The following MICU3 variants were observed in gnomAD, a reference collection of about 807,000 sequenced individuals.
MICU3 encodes the protein mitochondrial calcium uptake 3, also known as calcium uptake protein 3, mitochondrial.
MICU3 carries 62 observed loss-of-function variants against 66.5 expected under a neutral mutation model. The observed-to-expected ratio is 0.93, with a 90% CI of 0.76 to 1.15. The LOEUF (loss-of-function observed/expected upper bound fraction) is 1.15. Ranked by LOEUF, MICU3 falls within the 50% of genes most tolerant of loss-of-function variation. The pLI, the probability that MICU3 is intolerant of heterozygous loss-of-function variation, is 0.00. For missense variants in MICU3, 779 were observed against 664.4 expected (o/e 1.17, Z -1.90); for synonymous variants, 308 against 240.7 (o/e 1.28, Z -2.59).
At chr8:17,029,716 G>A (rs1172709539) in intron 1 of MICU3, among the ~76,000 whole-genome samples, 1 of 152,084 alleles carries the variant, frequency 6.6e-6, no homozygotes, top group Non-Finnish European at 1.5e-5. Flanking sequence ...ACAGTAATGA[G>A]CTTCGGGATG....
chr8:17,086,075 G>A (rs1799436814), intron 6 of MICU3, among the ~76,000 whole-genome samples: 1 of 151,808 alleles, frequency 6.6e-6, no homozygotes, highest in Non-Finnish European at 1.5e-5. Flanking sequence ...TACACTCTCC[G>A]AGTAAAAAGA....
chr8:17,050,140 G>T (rs1815809900), intron 1 of MICU3, among the ~76,000 whole-genome samples: 1 of 152,042 alleles, frequency 6.6e-6, no homozygotes, highest in East Asian at 1.9e-4. Context: ...ATATTGAATT[G>T]TCGGATCTAT....
chr8:17,057,289 C>G (rs1380831264), intron 1 of MICU3, among the ~76,000 whole-genome samples: 1 of 152,114 alleles, frequency 6.6e-6, no homozygotes, highest in Non-Finnish European at 1.5e-5. Flanking sequence ...CAGGTACAGA[C>G]ATTGGGAAAT....
intron 11 of MICU3, 143 bp from the exon 12 acceptor site, chr8:17,113,950 A>G: frequency 2.0e-6 from 1 of 495,952 alleles, no homozygotes; most frequent in Non-Finnish European, 3.4e-6. Context: ...CCAGTTGGAG[A>G]ACAACGTCAA....
At chr8:17,029,296 C>G (rs1039854173) in intron 1 of MICU3, among the ~76,000 whole-genome samples, 1 of 152,066 alleles carries the variant, frequency 6.6e-6, no homozygotes, top group African/African-American at 2.4e-5. Context: ...GCCAACATGG[C>G]GAAACCTCGT....
At chr8:17,110,722 C>A (rs1489626417) in intron 11 of MICU3, among the ~76,000 whole-genome samples, 1 of 149,986 alleles carries the variant, frequency 6.7e-6, no homozygotes, top group East Asian at 2.1e-4. Context: ...TCCCACTGTA[C>A]CTGGCAATTT....
chr8:17,068,509 T>G (rs976469482), intron 2 of MICU3, among the ~76,000 whole-genome samples: 2 of 152,214 alleles, frequency 1.3e-5, no homozygotes, highest in Non-Finnish European at 2.9e-5. Context: ...TGTATTGTTC[T>G]GTTCATTGTT....
intron 9 of MICU3, among the ~76,000 whole-genome samples, chr8:17,101,656 C>T (rs964415179): frequency 1.3e-5 from 2 of 151,830 alleles, no homozygotes; most frequent in African/African-American, 2.4e-5. Context: ...TTGAAAAGGA[C>T]ATCCCACACT....
intron 1 of MICU3, among the ~76,000 whole-genome samples, chr8:17,040,096 C>T (rs1388294682): frequency 2.6e-5 from 4 of 151,666 alleles, no homozygotes; most frequent in East Asian, 3.9e-4. Flanking sequence ...TTAGTAGAGA[C>T]GGGGTTTCTC....
At chr8:17,041,747 A>C (rs1161850334) in intron 1 of MICU3, among the ~76,000 whole-genome samples, 1 of 152,194 alleles carries the variant, frequency 6.6e-6, no homozygotes, top group African/African-American at 2.4e-5. Context: ...GTTTAATCTT[A>C]GATAATAGGA....
At chr8:17,091,978 AG>A (rs752572839) in intron 8 of MICU3, among the ~76,000 whole-genome samples, 1 of 151,994 alleles carries the variant, frequency 6.6e-6, no homozygotes, top group African/African-American at 2.4e-5. Context: ...CCCTGGTTCA[AG>A]TGATTCTTCT....
rs372253445 is a variant in MICU3 at position 17,027,249 on chromosome 8, C to G, written c.-31C>G. The stretch of plus-strand genomic sequence containing the variant: ...GCCCCCGCCCCTCCGTTCTCTGCCC[C>G]CTCCCAGCTCTGGTGTGGGCGGCCT... On this transcript the variant is annotated 5_prime_UTR_variant, in exon 1 of 15. Coordinates refer to ENST00000318063, the MANE Select transcript of MICU3 (RefSeq NM_181723.3). 8.7e-6 allele frequency: 9 copies of G among 1,034,118 alleles called. No individual in the cohort carries two copies. Among genetic ancestry groups the G allele is most frequent in the Non-Finnish European group, 1.0e-5 (8 of 794,788 alleles). The allele number at this position is 1,034,118 out of a possible 1,614,324, so 64.1% of individuals were successfully genotyped here.
chr8:17,039,626 C>A (rs1197857667), intron 1 of MICU3, among the ~76,000 whole-genome samples: 2 of 152,038 alleles, frequency 1.3e-5, no homozygotes, highest in Non-Finnish European at 2.9e-5. Context: ...ATTATACATA[C>A]ATAATTTGGG....
intron 8 of MICU3, among the ~76,000 whole-genome samples, chr8:17,091,330 A>G (rs1322516062): frequency 6.6e-6 from 1 of 152,080 alleles, no homozygotes; most frequent in South Asian, 2.1e-4. Context: ...AAACATGTGC[A>G]GTTCACTTAA....
chr8:17,033,020 G>T (rs1033777245), intron 1 of MICU3, among the ~76,000 whole-genome samples: 1 of 152,120 alleles, frequency 6.6e-6, no homozygotes, highest in African/African-American at 2.4e-5. Context: ...CCATGAACCA[G>T]CTTTTCCCTA....
At chr8:17,085,449 A>T in intron 6 of MICU3, 131 bp downstream of exon 6, 1 of 531,306 alleles carries the variant, frequency 1.9e-6, no homozygotes, top group Non-Finnish European at 3.4e-6. Flanking sequence ...TTTACTTAAT[A>T]AAGTATAATA....
At position 17,067,618 on chromosome 8, in the gene MICU3, G is replaced by C. The variant is rs565927413; in HGVS notation, c.536-2070G>C. 1.4e-4 allele frequency among the ~76,000 whole-genome samples: 22 copies of C among 152,066 alleles called. 1 individual carries two copies. In the South Asian group the frequency reaches 4.4e-3, roughly 30 times the overall value. ...CTAATTTTTGTATTTTTGCAGAGCT[G>C]GAGTTTCACCATGGTTTAACCATAT... On this transcript the variant is annotated intron_variant, in intron 2 of 14. Coordinates refer to ENST00000318063, the MANE Select transcript of MICU3 (RefSeq NM_181723.3).
chr8:17,074,601 G>A lies in MICU3; in HGVS notation c.568-3182G>A, dbSNP rs1013631875. On this transcript the variant is annotated intron_variant, in intron 3 of 14. Coordinates refer to ENST00000318063, the MANE Select transcript of MICU3 (RefSeq NM_181723.3). ...AAATGATGTTAAAACGTGTGTGTGT[G>A]TGTGTGTGTGTGTGTGTGTGTGTGT... Among the ~76,000 whole-genome samples, 145 of 130,654 alleles carry A rather than the reference G, an allele frequency of 1.1e-3. 1 individual carries two copies. The highest frequency in any genetic ancestry group is 5.7e-3 in the African/African-American group (128 of 22,368). 85.7% of individuals were successfully genotyped at this position (130,654 alleles called of 152,430 possible).
intron 11 of MICU3, among the ~76,000 whole-genome samples, chr8:17,108,660 C>T (rs1309603335): frequency 6.6e-6 from 1 of 152,156 alleles, no homozygotes; most frequent in Non-Finnish European, 1.5e-5. Flanking sequence ...TCCAAGAAAC[C>T]ATTCTGTCTT....
Sources: gnomAD v4.1 joint callset for allele counts (sites outside exome capture counted in the v4.1 genomes callset) on GRCh38, gnomAD v4.1.1 for gene constraint, MANE v1.5 for transcripts, NCBI Gene and HGNC (gene_info 2026-07-23, HGNC 2026-07-21) for gene names.